CNTNAP5: variants seen among roughly 807,000 people sequenced by gnomAD.
CNTNAP5 encodes contactin-associated protein-like 5.
In CNTNAP5, 72 loss-of-function variants were observed where a neutral mutation model predicts 150.2. That is an observed-to-expected ratio of 0.48 (90% confidence interval 0.40 to 0.58). The LOEUF is 0.58. Among genes scored for constraint, CNTNAP5 ranks in the 20% least tolerant of loss-of-function variants. The pLI, the probability that CNTNAP5 is intolerant of heterozygous loss-of-function variation, is 0.00. For missense variants in CNTNAP5, 1,636 were observed against 1,626.2 expected (o/e 1.01, Z -0.10); for synonymous variants, 672 against 619.8 (o/e 1.08, Z -1.25).
intron 1 of CNTNAP5, among the ~76,000 whole-genome samples, chr2:124,133,732 C>G (rs1264524106): frequency 6.6e-6 from 1 of 152,076 alleles, no homozygotes; most frequent in African/African-American, 2.4e-5. Context: ...GCTATCAGAC[C>G]CCTGACATGG....
intron 13 of CNTNAP5, among the ~76,000 whole-genome samples, chr2:124,718,931 C>A (rs1244243654): frequency 4.1e-5 from 6 of 146,286 alleles, no homozygotes; most frequent in Non-Finnish European, 6.0e-5. Context: ...GGCAACAGAG[C>A]AAGACTCCAT....
chr2:124,828,517 T>G, intron 19 of CNTNAP5, among the ~76,000 whole-genome samples: 1 of 151,432 alleles, frequency 6.6e-6, no homozygotes, highest in East Asian at 1.9e-4. Context: ...ACATAAGTTA[T>G]TAAGGATGAA....
At chr2:124,041,730 A>G (rs1378092327) in intron 1 of CNTNAP5, among the ~76,000 whole-genome samples, 1 of 152,126 alleles carries the variant, frequency 6.6e-6, no homozygotes, top group Non-Finnish European at 1.5e-5. Context: ...TACAACACAC[A>G]TTGTATTATA....
chr2:124,400,921 G>A (rs1691406513), intron 3 of CNTNAP5, among the ~76,000 whole-genome samples: 1 of 151,922 alleles, frequency 6.6e-6, no homozygotes, highest in African/African-American at 2.4e-5. Context: ...GCCCAGGCTG[G>A]AGCGCAGTTG....
intron 6 of CNTNAP5, among the ~76,000 whole-genome samples, chr2:124,462,811 A>G (rs1375012531): frequency 6.6e-6 from 1 of 152,204 alleles, no homozygotes; most frequent in Non-Finnish European, 1.5e-5. Flanking sequence ...GAATGAATCA[A>G]ATATGCTCTA....
At chr2:124,150,887 G>GC (rs576254291) in intron 1 of CNTNAP5, among the ~76,000 whole-genome samples, 234 of 152,238 alleles carry the variant, frequency 1.5e-3, no homozygotes, top group African/African-American at 5.5e-3. Flanking sequence ...TTGTTACTCA[G>GC]CCCCCTGTCC....
At chr2:124,592,165 T>G (rs1696699480) in intron 11 of CNTNAP5, among the ~76,000 whole-genome samples, 1 of 152,108 alleles carries the variant, frequency 6.6e-6, no homozygotes. Flanking sequence ...CAAGCACAAA[T>G]GGTGTTTTTA....
intron 1 of CNTNAP5, among the ~76,000 whole-genome samples, chr2:124,087,124 T>G (rs1295902835): frequency 6.6e-6 from 1 of 151,788 alleles, no homozygotes; most frequent in Non-Finnish European, 1.5e-5. Context: ...GTCATATAAT[T>G]GTTTTAATTA....
At chr2:124,427,741 G>A (rs113671597) in intron 4 of CNTNAP5, among the ~76,000 whole-genome samples, 11,857 of 152,102 alleles carry the variant, frequency 0.078, 797 homozygotes, top group African/African-American at 0.18. Flanking sequence ...ACAGGTGTGA[G>A]CCACCGTGCC....
rs36090348 is a variant in CNTNAP5 at position 124,605,809 on chromosome 2, C to CAAA, written c.1757-3970_1757-3968dup. ...CCTGGGTGACCGAGCAAGACTCTGT[C>CAAA]AAAAAAAAAAAAAAAAAAAAAAAAG... On this transcript the variant is annotated intron_variant, in intron 11 of 23. Coordinates refer to ENST00000682447, the MANE Select transcript of CNTNAP5 (RefSeq NM_001367498.1). 6.5e-3 allele frequency among the ~76,000 whole-genome samples: 209 copies of CAAA among 32,068 alleles called. 1 individual carries two copies. Among genetic ancestry groups the CAAA allele is most frequent in the African/African-American group, 0.018 (127 of 6,928 alleles). The allele number at this position is 32,068 out of a possible 152,430, so 21.0% of individuals were successfully genotyped here. A position where few individuals can be genotyped will look rare whatever the true frequency, so the allele number is the denominator to read the frequency against.
intron 1 of CNTNAP5, among the ~76,000 whole-genome samples, chr2:124,034,841 T>G (rs914727342): frequency 6.6e-6 from 1 of 152,196 alleles, no homozygotes; most frequent in Non-Finnish European, 1.5e-5. Context: ...AATTGGAAAG[T>G]TGAGAGAGCC....
intron 1 of CNTNAP5, among the ~76,000 whole-genome samples, chr2:124,129,209 A>C (rs1461399349): frequency 6.6e-6 from 1 of 152,188 alleles, no homozygotes; most frequent in Non-Finnish European, 1.5e-5. Context: ...TATTTAATTC[A>C]TAATAAAAAG....
intron 7 of CNTNAP5, among the ~76,000 whole-genome samples, chr2:124,487,533 G>A (rs938373597): frequency 6.6e-6 from 1 of 152,042 alleles, no homozygotes; most frequent in African/African-American, 2.4e-5. Context: ...TCTGATCTTT[G>A]TTACAGAAAC....
chr2:124,294,768 T>G (rs1318321258), intron 3 of CNTNAP5, among the ~76,000 whole-genome samples: 1 of 152,194 alleles, frequency 6.6e-6, no homozygotes, highest in East Asian at 1.9e-4. Flanking sequence ...AATGTGGAAG[T>G]GAGTACATGC....
chr2:124,733,303 A>G (rs1484959622), intron 13 of CNTNAP5, among the ~76,000 whole-genome samples: 1 of 152,174 alleles, frequency 6.6e-6, no homozygotes. Context: ...AGCCCGATAT[A>G]AGATAGTATG....
intron 1 of CNTNAP5, among the ~76,000 whole-genome samples, chr2:124,196,449 C>T (rs1191725643): frequency 1.3e-5 from 2 of 152,198 alleles, no homozygotes; most frequent in African/African-American, 4.8e-5. Context: ...ACATGAGATA[C>T]TCAGGAATAA....
chr2:124,901,730 A>C (rs1286472115), intron 21 of CNTNAP5, among the ~76,000 whole-genome samples: 2 of 152,194 alleles, frequency 1.3e-5, no homozygotes, highest in South Asian at 4.1e-4. Context: ...ATAACAATAC[A>C]CGATTTGATT....
chr2:124,038,795 A>G (rs1326841267), intron 1 of CNTNAP5, among the ~76,000 whole-genome samples: 1 of 152,118 alleles, frequency 6.6e-6, no homozygotes, highest in Non-Finnish European at 1.5e-5. Flanking sequence ...AATTGCAGGA[A>G]TCTCTAAGCC....
intron 13 of CNTNAP5, among the ~76,000 whole-genome samples, chr2:124,713,241 TTCTCTTTCTTTCTTTC>T (rs1194295073): frequency 0.011 from 588 of 55,998 alleles, 64 homozygotes; most frequent in African/African-American, 0.03. Context: ...CTTTCTTTCT[TTCTCTTTCTTTCTTTC>T]TTTCTTTCTT....
Sources: gnomAD v4.1 joint callset for allele counts (sites outside exome capture counted in the v4.1 genomes callset) on GRCh38, gnomAD v4.1.1 for gene constraint, MANE v1.5 for transcripts, NCBI Gene and HGNC (gene_info 2026-07-23, HGNC 2026-07-21) for gene names.